The following GPX8 variants were observed in gnomAD, a reference collection of about 807,000 sequenced individuals.
GPX8 encodes protein peroxidase GPX8.
Under a neutral mutation model 17.8 loss-of-function variants are expected in GPX8, and 12 were observed. The observed-to-expected ratio is 0.67, with a 90% CI of 0.43 to 1.09. The LOEUF (loss-of-function observed/expected upper bound fraction) is 1.09. Among genes scored for constraint, GPX8 ranks in the 50% least tolerant of loss-of-function variants. The pLI is 0.00. For synonymous variants in GPX8, 86 were observed against 88.1 expected (o/e 0.98, Z 0.14); for missense variants, 209 against 235.6 (o/e 0.89, Z 0.74).
At position 55,164,321 on chromosome 5, in the gene GPX8, A is replaced by G; in HGVS notation, c.*103A>G. On this transcript the variant is annotated 3_prime_UTR_variant, in exon 3 of 3. Transcript: ENST00000503787. ...GAGACAGTGTCTCACTCTGTCACCC[A>G]GGCTGGAGTGCAGTAGTGCGTTCTC... 1 of 801,096 alleles carries G rather than the reference A, an allele frequency of 1.2e-6. No individual in the cohort carries two copies. Among genetic ancestry groups the G allele is most frequent in the Non-Finnish European group, 1.8e-6 (1 of 559,552 alleles). The allele number at this position is 801,096 out of a possible 1,614,324, so 49.6% of individuals were successfully genotyped here.
intron 2 of GPX8, among the ~76,000 whole-genome samples, chr5:55,163,847 T>A (rs1744226509): frequency 6.7e-6 from 1 of 149,282 alleles, no homozygotes; most frequent in Non-Finnish European, 1.5e-5. Flanking sequence ...ACATACTAGA[T>A]GAGTAGACTC....
chr5:55,165,338 G>C lies in GPX8; in HGVS notation c.*1120G>C, dbSNP rs1744324903. The C allele has an allele frequency of 6.6e-6, 1 of 152,124 alleles. No individual in the cohort carries two copies. The highest frequency in any genetic ancestry group is 2.4e-5 in the African/African-American group (1 of 41,426). 9.4% of individuals were successfully genotyped at this position (152,124 alleles called of 1,614,324 possible). A position where few individuals can be genotyped will look rare whatever the true frequency, so the allele number is the denominator to read the frequency against. ...CAAAGCAACCTGCCAAGTTGGTGAAGGTTAATTATTGCCTCATGAAATATA... is the reference window on the plus strand; with the variant it reads ...CAAAGCAACCTGCCAAGTTGGTGAACGTTAATTATTGCCTCATGAAATATA... On this transcript the variant is annotated 3_prime_UTR_variant, in exon 3 of 3. Coordinates refer to ENST00000503787, the MANE Select transcript of GPX8 (RefSeq NM_001008397.4).
At chr5:55,160,441 C>T (rs1743986168) in intron 1 of GPX8, 45 bp downstream of exon 1, 1 of 1,484,512 alleles carries the variant, frequency 6.7e-7, no homozygotes, top group African/African-American at 1.4e-5. Context: ...TTTTCCTTGT[C>T]TCTGTTTATT....
Position 55,164,264 on chromosome 5 carries a change from G to A in GPX8, c.*46G>A. On this transcript the variant is annotated 3_prime_UTR_variant, in exon 3 of 3. Transcript: ENST00000503787. The stretch of plus-strand genomic sequence containing the variant: ...TAGAACAGAGAAATGTCTCCATGAG[G>A]GTTTGGTCTCATTTTAAACATTTTT... 1 of 1,393,222 alleles carries A rather than the reference G, an allele frequency of 7.2e-7. No homozygotes were observed. Among genetic ancestry groups the A allele is most frequent in the Non-Finnish European group, 9.5e-7 (1 of 1,047,580 alleles). The allele number at this position is 1,393,222 out of a possible 1,614,324, so 86.3% of individuals were successfully genotyped here. A position where few individuals can be genotyped will look rare whatever the true frequency, so the allele number is the denominator to read the frequency against.
At chr5:55,162,090 C>CAAAAAAAAAA in intron 2 of GPX8, among the ~76,000 whole-genome samples, 1 of 90,730 alleles carries the variant, frequency 1.1e-5, no homozygotes, top group Non-Finnish European at 2.2e-5. Flanking sequence ...CCATATTAGT[C>CAAAAAAAAAA]AAAAAAAAAA....
At chr5:55,160,768 C>G (rs1744001928) in intron 1 of GPX8, 1 of 492,548 alleles carries the variant, frequency 2.0e-6, no homozygotes, top group Non-Finnish European at 3.5e-6. Context: ...TAAAAATAAA[C>G]TTTCATGAGT....
chr5:55,161,320 C>A, intron 2 of GPX8, 65 bp downstream of exon 2: 1 of 1,388,274 alleles, frequency 7.2e-7, no homozygotes. Flanking sequence ...TATACCAGGA[C>A]AATACTTTCC....
Position 55,160,363 on chromosome 5 carries a change from AAGAAC to A in GPX8, c.172_176del (p.Arg58CysfsTer7). The A allele has an allele frequency of 6.2e-7, 1 of 1,613,154 alleles. No homozygotes were observed. The highest frequency in any genetic ancestry group is 8.5e-7 in the Non-Finnish European group (1 of 1,179,936). ...CCTTTGAAGTGAAGGATGCAAAAGG[AAGAAC>A]TGTTTCTCTGGAAAAGTATAAAGGC... is the stretch of plus-strand genomic sequence containing the variant. On this transcript the variant is annotated frameshift_variant, in exon 1 of 3. Coordinates refer to ENST00000503787, the MANE Select transcript of GPX8 (RefSeq NM_001008397.4). LOFTEE classifies it high-confidence loss of function.
At chr5:55,160,527 A>G (rs1028458573) in intron 1 of GPX8, 131 bp downstream of exon 1, 1 of 643,178 alleles carries the variant, frequency 1.6e-6, no homozygotes, top group Non-Finnish European at 2.7e-6. Context: ...TGGTATTAGT[A>G]CATCACTTTA....
In GPX8 at chr5:55,165,973, G is replaced by C. The variant is rs959604878; in HGVS notation, c.*1755G>C. The C allele has an allele frequency of 1.3e-5, 2 of 152,244 alleles. No homozygotes were observed. The highest frequency in any genetic ancestry group is 6.5e-5 in the Admixed American group (1 of 15,288). 9.4% of individuals were successfully genotyped at this position (152,244 alleles called of 1,614,324 possible). ...ACAGAAGCCACCAACAAGCCTATCT[G>C]TCCTTTGCAATTTTGCTCCAAGAGC... is the stretch of plus-strand genomic sequence containing the variant. On this transcript the variant is annotated 3_prime_UTR_variant, in exon 3 of 3. Coordinates refer to ENST00000503787, the MANE Select transcript of GPX8 (RefSeq NM_001008397.4).
chr5:55,160,832 A>C, intron 1 of GPX8, 162 bp from the exon 2 acceptor site: 8 of 672,962 alleles, frequency 1.2e-5, no homozygotes, highest in Non-Finnish European at 1.9e-5. Context: ...CCAGGCATCT[A>C]GGTTACAGTT....
At position 55,164,279 on chromosome 5, in the gene GPX8, T is replaced by A; in HGVS notation, c.*61T>A. The A allele has an allele frequency of 7.5e-7, 1 of 1,325,596 alleles. No homozygotes were observed. Among genetic ancestry groups the A allele is most frequent in the Non-Finnish European group, 1.0e-6 (1 of 1,002,462 alleles). The allele number at this position is 1,325,596 out of a possible 1,614,324, so 82.1% of individuals were successfully genotyped here. A position where few individuals can be genotyped will look rare whatever the true frequency, so the allele number is the denominator to read the frequency against. On this transcript the variant is annotated 3_prime_UTR_variant, in exon 3 of 3. Coordinates refer to ENST00000503787, the MANE Select transcript of GPX8 (RefSeq NM_001008397.4). ...TCTCCATGAGGGTTTGGTCTCATTT[T>A]AAACATTTTTTTTTTGGAGACAGTG... is the stretch of plus-strand genomic sequence containing the variant.
chr5:55,161,402 G>T (rs1744056649), intron 2 of GPX8, 147 bp downstream of exon 2: 1 of 761,236 alleles, frequency 1.3e-6, no homozygotes, highest in African/African-American at 1.8e-5. Flanking sequence ...CTCATCCTTT[G>T]TAACTTCTAG....
intron 2 of GPX8, among the ~76,000 whole-genome samples, chr5:55,161,604 T>C (rs1487099618): frequency 6.6e-6 from 1 of 152,258 alleles, no homozygotes; most frequent in Non-Finnish European, 1.5e-5. Context: ...CCCGTCATTA[T>C]AGCCACACAG....
intron 2 of GPX8, among the ~76,000 whole-genome samples, chr5:55,162,359 C>A (rs763661880): frequency 3.3e-5 from 5 of 152,200 alleles, no homozygotes; most frequent in African/African-American, 4.8e-5. Flanking sequence ...CGCGCTACTG[C>A]ACTCCAGCCT....
chr5:55,164,858 A>G lies in GPX8; in HGVS notation c.*640A>G, dbSNP rs768691711. The stretch of plus-strand genomic sequence containing the variant: ...AACTGTCACTATGTATGTAACTGAC[A>G]TATATAAATAGTCATTTATAAATGA... On this transcript the variant is annotated 3_prime_UTR_variant, in exon 3 of 3. Coordinates refer to ENST00000503787, the MANE Select transcript of GPX8 (RefSeq NM_001008397.4). 1.3e-5 allele frequency: 2 copies of G among 152,254 alleles called. No individual in the cohort carries two copies. The highest frequency in any genetic ancestry group is 2.9e-5 in the Non-Finnish European group (2 of 68,042). The allele number at this position is 152,254 out of a possible 1,614,324, so 9.4% of individuals were successfully genotyped here.
At chr5:55,160,960 A>C (rs2111940143) in intron 1 of GPX8, 34 bp from the exon 2 acceptor site, 1 of 1,580,188 alleles carries the variant, frequency 6.3e-7, no homozygotes, top group East Asian at 2.2e-5. Context: ...CTTTTGCTTC[A>C]CTTTCCGGTT....
At position 55,166,042 on chromosome 5, in the gene GPX8, C is replaced by G. The variant is rs989699531; in HGVS notation, c.*1824C>G. ...CTGAGCCTCTAAGAAAACTTATGCTCAGGTGGCCCCTCCAAGTGTTGGTGC... is the reference window on the plus strand; with the variant it reads ...CTGAGCCTCTAAGAAAACTTATGCTGAGGTGGCCCCTCCAAGTGTTGGTGC... On this transcript the variant is annotated 3_prime_UTR_variant, in exon 3 of 3. Coordinates refer to ENST00000503787, the MANE Select transcript of GPX8 (RefSeq NM_001008397.4). 6.6e-6 allele frequency: 1 copy of G among 152,244 alleles called. No homozygotes were observed. Among genetic ancestry groups the G allele is most frequent in the Non-Finnish European group, 1.5e-5 (1 of 68,064 alleles). The allele number at this position is 152,244 out of a possible 1,614,324, so 9.4% of individuals were successfully genotyped here. A position where few individuals can be genotyped will look rare whatever the true frequency, so the allele number is the denominator to read the frequency against.
intron 1 of GPX8, chr5:55,160,714 A>C (rs1744000213): frequency 2.2e-6 from 1 of 459,150 alleles, no homozygotes; most frequent in Admixed American, 3.9e-5. Context: ...TAATCTAATA[A>C]CTTTAAAAAG....
Sources: gnomAD v4.1 joint callset for allele counts (sites outside exome capture counted in the v4.1 genomes callset) on GRCh38, gnomAD v4.1.1 for gene constraint, MANE v1.5 for transcripts, NCBI Gene and HGNC (gene_info 2026-07-23, HGNC 2026-07-21) for gene names.